The following TENM2 variants were observed in gnomAD, a reference collection of about 807,000 sequenced individuals.
The protein encoded by TENM2 is teneurin transmembrane protein 2.
TENM2 carries 52 observed loss-of-function variants against 245.2 expected under a neutral mutation model. That is an observed-to-expected ratio of 0.21 (90% CI 0.17 to 0.27). The LOEUF (loss-of-function observed/expected upper bound fraction) is 0.27. Among genes scored for constraint, TENM2 ranks in the 10% least tolerant of loss-of-function variants. The pLI is 1.00. For synonymous variants in TENM2, 1,363 were observed against 1,438.9 expected (o/e 0.95, Z 1.19); for missense variants, 3,046 against 3,666.8 (o/e 0.83, Z 4.37).
chr5:167,236,441 G>A, the TENM2 span, among the ~76,000 whole-genome samples: 1 of 152,160 alleles, frequency 6.6e-6, no homozygotes, highest in Non-Finnish European at 1.5e-5. Context: ...ATTAAGGGCT[G>A]AAGGTCACTG....
chr5:167,141,303 A>G, the TENM2 span, among the ~76,000 whole-genome samples: 2,152 of 152,310 alleles, frequency 0.014, 53 homozygotes, highest in African/African-American at 0.047. Flanking sequence ...TATTTGGAAG[A>G]GAGTAGATGG....
At chr5:167,340,116 C>A (rs1304768224) in intron 1 of TENM2, among the ~76,000 whole-genome samples, 2 of 152,178 alleles carry the variant, frequency 1.3e-5, no homozygotes, top group African/African-American at 4.8e-5. Context: ...GAACACAGAT[C>A]AGCCAAATCC....
intron 10 of TENM2, among the ~76,000 whole-genome samples, chr5:168,119,280 T>A (rs1273488508): frequency 6.6e-6 from 1 of 152,138 alleles, no homozygotes; most frequent in Non-Finnish European, 1.5e-5. Context: ...ATAAACTGAA[T>A]CTAATCTGAC....
chr5:167,374,082 C>G (rs1178082915), intron 1 of TENM2, among the ~76,000 whole-genome samples: 2 of 152,182 alleles, frequency 1.3e-5, no homozygotes, highest in Admixed American at 6.5e-5. Flanking sequence ...AGGACTAGCT[C>G]TTCATCCCTA....
chr5:167,227,488 A>G, the TENM2 span, among the ~76,000 whole-genome samples: 1 of 152,152 alleles, frequency 6.6e-6, no homozygotes, highest in Non-Finnish European at 1.5e-5. Flanking sequence ...TGTTTGGGAA[A>G]GACTTTATTT....
chr5:167,536,269 C>T lies in TENM2; in HGVS notation c.502+160796C>T, dbSNP rs1268227489. ...CATGTGGCTACAAATAAATAATAAC[C>T]GCTACCAGGAAAACTCTAAAAAAAA... is the stretch of plus-strand genomic sequence containing the variant. On this transcript the variant is annotated intron_variant, in intron 2 of 28. Coordinates refer to ENST00000518659, the Ensembl canonical transcript of TENM2. Among the ~76,000 whole-genome samples, 4 of 151,528 alleles carry T rather than the reference C, an allele frequency of 2.6e-5. No individual in the cohort carries two copies. The South Asian group carries it at 6.2e-4, about 24-fold the overall frequency.
chr5:167,480,127 C>T (rs1359129956), intron 2 of TENM2, among the ~76,000 whole-genome samples: 1 of 152,182 alleles, frequency 6.6e-6, no homozygotes, highest in Non-Finnish European at 1.5e-5. Flanking sequence ...TCCCATCTTC[C>T]AGCAGGTAAG....
At chr5:168,237,730 T>C (rs1242775936) in intron 25 of TENM2, among the ~76,000 whole-genome samples, 1 of 151,722 alleles carries the variant, frequency 6.6e-6, no homozygotes, top group African/African-American at 2.4e-5. Flanking sequence ...TATTTAATTA[T>C]TATATTAAAT....
At chr5:167,569,320 G>A (rs928665452) in intron 2 of TENM2, among the ~76,000 whole-genome samples, 1 of 151,906 alleles carries the variant, frequency 6.6e-6, no homozygotes, top group Admixed American at 6.6e-5. Context: ...AATATTTACC[G>A]AATAAGCAAG....
chr5:167,980,389 A>G (rs1782745979), intron 4 of TENM2, among the ~76,000 whole-genome samples: 1 of 152,176 alleles, frequency 6.6e-6, no homozygotes, highest in African/African-American at 2.4e-5. Context: ...GAGACTTGAA[A>G]GACCTGAGAA....
chr5:168,215,067 G>A (rs763965834), exon 21 of TENM2: 4 of 1,613,778 alleles, frequency 2.5e-6, no homozygotes, highest in Non-Finnish European at 3.4e-6. Flanking sequence ...AGTACTACTT[G>A]GCAGTGGACC....
intron 2 of TENM2, among the ~76,000 whole-genome samples, chr5:167,467,812 G>T (rs1289261636): frequency 2.6e-5 from 4 of 152,082 alleles, no homozygotes; most frequent in East Asian, 3.9e-4. Context: ...TAACATTTAG[G>T]TATGTATATT....
chr5:167,645,981 T>C (rs1779902325), intron 2 of TENM2, among the ~76,000 whole-genome samples: 1 of 151,558 alleles, frequency 6.6e-6, no homozygotes. Flanking sequence ...AGAATAAATA[T>C]GGAATTCTCT....
At chr5:167,462,182 C>CCCG (rs1766344278) in intron 2 of TENM2, among the ~76,000 whole-genome samples, 5 of 16,398 alleles carry the variant, frequency 3.0e-4, no homozygotes, top group Non-Finnish European at 1.5e-4. Flanking sequence ...CTGACCCCCA[C>CCCG]CCCCCCCCCC....
intron 2 of TENM2, among the ~76,000 whole-genome samples, chr5:167,672,007 A>T (rs1338801861): frequency 6.6e-6 from 1 of 152,030 alleles, no homozygotes; most frequent in Admixed American, 6.6e-5. Context: ...CAAACCTGTG[A>T]AACTAGTGCT....
At chr5:167,890,778 AATG>A (rs774469595) in intron 3 of TENM2, among the ~76,000 whole-genome samples, 82 of 152,266 alleles carry the variant, frequency 5.4e-4, no homozygotes, top group African/African-American at 1.9e-3. Context: ...TGTTGGCATC[AATG>A]ATGATGATAA....
the TENM2 span, among the ~76,000 whole-genome samples, chr5:167,101,940 T>TATA: frequency 2.1e-3 from 235 of 112,430 alleles, 5 homozygotes; most frequent in African/African-American, 8.9e-3. Context: ...ATATATATAT[T>TATA]TTTTTTTTTT....
chr5:167,796,767 A>G (rs1177149660), intron 2 of TENM2, among the ~76,000 whole-genome samples: 4 of 152,116 alleles, frequency 2.6e-5, no homozygotes, highest in African/African-American at 9.7e-5. Context: ...AGCAACTAGA[A>G]TATGAAAGTC....
chr5:167,077,940 T>C, the TENM2 span, among the ~76,000 whole-genome samples: 2 of 152,172 alleles, frequency 1.3e-5, no homozygotes, highest in Admixed American at 6.5e-5. Flanking sequence ...GAGAAGCGAA[T>C]AGAAAGGAGT....
Sources: allele counts gnomAD v4.1 joint callset (sites outside exome capture counted in the v4.1 genomes callset), GRCh38; gene constraint gnomAD v4.1.1; transcripts MANE v1.5; gene names NCBI Gene and HGNC (gene_info 2026-07-23, HGNC 2026-07-21).